Variants in SMUG1 observed in about 807,000 individuals in gnomAD.
SMUG1 encodes the protein single-strand-selective monofunctional uracil-DNA glycosylase 1, also known as single-strand selective monofunctional uracil DNA glycosylase.
In SMUG1, 13 loss-of-function variants were observed where a neutral mutation model predicts 23.9. That is an observed-to-expected ratio of 0.54 (90% confidence interval 0.35 to 0.86). The LOEUF (loss-of-function observed/expected upper bound fraction) is 0.86, where lower values mean the gene tolerates loss of function less well. SMUG1 is among the 40% of genes least tolerant of loss of function. The pLI is 0.01. For synonymous variants in SMUG1, 133 were observed against 139.8 expected (o/e 0.95, Z 0.34); for missense variants, 313 against 339.5 (o/e 0.92, Z 0.61).
chr12:54,159,994 C>T (rs1175811560), downstream of SMUG1, among the ~76,000 whole-genome samples: 1 of 152,216 alleles, frequency 6.6e-6, no homozygotes, highest in Non-Finnish European at 1.5e-5. Context: ...ACACAGGTTG[C>T]TGGGCCTGTC....
intron 2 of SMUG1, among the ~76,000 whole-genome samples, chr12:54,186,324 CTG>C (rs373019225): frequency 5.4e-5 from 8 of 148,418 alleles, no homozygotes; most frequent in African/African-American, 1.7e-4. Flanking sequence ...GCCTGGGAAT[CTG>C]TGTTTTTTGT....
At chr12:54,176,375 G>A (rs1232587149), downstream of SMUG1, among the ~76,000 whole-genome samples, 6 of 151,166 alleles carry the variant, frequency 4.0e-5, no homozygotes, top group Admixed American at 3.9e-4. Context: ...AGCCAGGTGT[G>A]GTGGTGCATG....
At chr12:54,171,918 C>T (rs947313506) in intron 3 of SMUG1, 10 of 344,176 alleles carry the variant, frequency 2.9e-5, no homozygotes, top group Admixed American at 9.0e-5. Flanking sequence ...TTCTTTCATA[C>T]GCTCTCACTA....
intron 2 of SMUG1, among the ~76,000 whole-genome samples, chr12:54,173,551 C>A (rs1184056183): frequency 6.6e-6 from 1 of 152,206 alleles, no homozygotes. Flanking sequence ...AAACGCCGCC[C>A]GCGCGGCCCG....
chr12:54,180,571 A>G lies in SMUG1; in HGVS notation c.*1525T>C, dbSNP rs1003288318. 4 of 152,134 alleles carry G rather than the reference A, an allele frequency of 2.6e-5. No individual in the cohort carries two copies. Among genetic ancestry groups the G allele is most frequent in the African/African-American group, 7.2e-5 (3 of 41,406 alleles). The allele number at this position is 152,134 out of a possible 1,614,324, so 9.4% of individuals were successfully genotyped here. A position where few individuals can be genotyped will look rare whatever the true frequency, so the allele number is the denominator to read the frequency against. On this transcript the variant is annotated 3_prime_UTR_variant, in exon 4 of 4. Coordinates refer to ENST00000682136, the MANE Select transcript of SMUG1 (RefSeq NM_001243787.2). ...CCCTTACCAAAGGGGCACCCAGTCA[A>G]CCATTCAGCAGACATAAAAAATGAG... is the stretch of plus-strand genomic sequence containing the variant.
chr12:54,177,666 A>AAACAAT (rs1376849582), downstream of SMUG1, among the ~76,000 whole-genome samples: 4 of 152,016 alleles, frequency 2.6e-5, no homozygotes, highest in Admixed American at 6.6e-5. Flanking sequence ...GAAAAAAAAA[A>AAACAAT]AACAATGACT....
intron 2 of SMUG1, chr12:54,172,699 A>ACTCCCG (rs1209122085): frequency 6.5e-6 from 1 of 153,924 alleles, no homozygotes. Context: ...CCCAAAAAGG[A>ACTCCCG]ACCACTCCCC....
At position 54,183,827 on chromosome 12, in the gene SMUG1, G is replaced by A. The variant is rs371876259; in HGVS notation, c.114C>T (p.Leu38=). 2.5e-6 allele frequency: 4 copies of A among 1,613,834 alleles called. No homozygotes were observed. Among genetic ancestry groups the A allele is most frequent in the South Asian group, 1.1e-5 (1 of 91,032 alleles). ...ACTGCAGCTGGCTCAGCTCAGCATT[G>A]AGCCGAAGCTCCTCCTCCAGGAAGC... ...AESFLEEELR[L]NAELSQLQFS... The change falls in exon 3 of 4, where the codon CTC becomes CTT. Residue 38 remains leucine, a synonymous_variant. Coordinates refer to ENST00000682136, the MANE Select transcript of SMUG1 (RefSeq NM_001243787.2).
downstream of SMUG1, among the ~76,000 whole-genome samples, chr12:54,179,806 G>T (rs1298282318): frequency 6.6e-6 from 1 of 152,128 alleles, no homozygotes; most frequent in Non-Finnish European, 1.5e-5. Context: ...CGGAACTCAG[G>T]AAAACTCTAT....
chr12:54,172,089 C>G (rs762508211), exon 3 of SMUG1: 1 of 455,530 alleles, frequency 2.2e-6, no homozygotes, highest in African/African-American at 2.0e-5. Context: ...AATCTGTTCT[C>G]AATACAGCAG....
At chr12:54,188,214 G>A (rs1942907888) in intron 1 of SMUG1, among the ~76,000 whole-genome samples, 1 of 150,818 alleles carries the variant, frequency 6.6e-6, no homozygotes, top group South Asian at 2.1e-4. Context: ...GCACTCCCCT[G>A]TCCTTTGGAG....
chr12:54,169,783 A>T (rs1940567635), intron 3 of SMUG1, among the ~76,000 whole-genome samples: 1 of 152,152 alleles, frequency 6.6e-6, no homozygotes, highest in Non-Finnish European at 1.5e-5. Context: ...ACTCAGTAAA[A>T]TCAGGTAATA....
At chr12:54,186,356 T>G (rs576080285) in intron 2 of SMUG1, among the ~76,000 whole-genome samples, 1,977 of 151,168 alleles carry the variant, frequency 0.013, 51 homozygotes, top group African/African-American at 0.044. Context: ...TTTTGTTTTT[T>G]TTTTGAGACA....
At chr12:54,173,255 G>T (rs1290615927) in intron 2 of SMUG1, 1 of 153,790 alleles carries the variant, frequency 6.5e-6, no homozygotes, top group East Asian at 1.9e-4. Flanking sequence ...CAGCGAGAGA[G>T]CAAACGGGAG....
chr12:54,181,794 C>T lies in SMUG1; in HGVS notation c.*302G>A, dbSNP rs756986882. 7 of 1,436,656 alleles carry T rather than the reference C, an allele frequency of 4.9e-6. No individual in the cohort carries two copies. Among genetic ancestry groups the T allele is most frequent in the South Asian group, 3.0e-5 (2 of 65,944 alleles). The allele number at this position is 1,436,656 out of a possible 1,614,324, so 89.0% of individuals were successfully genotyped here. A position where few individuals can be genotyped will look rare whatever the true frequency, so the allele number is the denominator to read the frequency against. On this transcript the variant is annotated 3_prime_UTR_variant, in exon 4 of 4. Transcript: ENST00000682136. Reference sequence around the variant, plus strand: ...CTGAATAAAGTCTCCCAAGGAAACACTGAGGTAGAGCAGTCTGCAAGTGCA... The same window carrying T: ...CTGAATAAAGTCTCCCAAGGAAACATTGAGGTAGAGCAGTCTGCAAGTGCA...
chr12:54,187,211 T>G (rs1942671221), intron 2 of SMUG1: 1 of 152,196 alleles, frequency 6.6e-6, no homozygotes, highest in Admixed American at 6.5e-5. Context: ...CCTCTCAACT[T>G]TCTGCCTGGG....
At position 54,173,479 on chromosome 12, in the gene SMUG1, G is replaced by C. The variant is rs115872502; in HGVS notation, c.399-1370C>G. Among the ~76,000 whole-genome samples the C allele has an allele frequency of 4.4e-3, 671 of 152,304 alleles. 8 individuals are homozygous for C. Among genetic ancestry groups the C allele is most frequent in the African/African-American group, 0.015 (642 of 41,562 alleles). ...CGCAGCAGAGCGGGCGCGGCGCCGGGAGCTGGCTCGTAAAAGCCGCGTCGA... is the reference window on the plus strand; with the variant it reads ...CGCAGCAGAGCGGGCGCGGCGCCGGCAGCTGGCTCGTAAAAGCCGCGTCGA... On this transcript the variant is annotated intron_variant and NMD_transcript_variant, in intron 2 of 4. Transcript: ENST00000509864.
rs2136590977 is a variant in SMUG1 at position 54,181,472 on chromosome 12, G to A, written c.*624C>T. On this transcript the variant is annotated 3_prime_UTR_variant, in exon 4 of 4. Transcript: ENST00000682136. ...TCCCTGTTTTACAGATGAGGAGCCT[G>A]AGGCATAGAGAGGTTTATTAATTTG... is the stretch of plus-strand genomic sequence containing the variant. The A allele has an allele frequency of 2.4e-6, 3 of 1,272,544 alleles. No individual in the cohort carries two copies. In the South Asian group the frequency reaches 3.8e-5, roughly 16 times the overall value. 78.8% of individuals were successfully genotyped at this position (1,272,544 alleles called of 1,614,324 possible). A position where few individuals can be genotyped will look rare whatever the true frequency, so the allele number is the denominator to read the frequency against.
downstream of SMUG1, among the ~76,000 whole-genome samples, chr12:54,176,434 C>G (rs1252443708): frequency 6.8e-6 from 1 of 147,846 alleles, no homozygotes; most frequent in Non-Finnish European, 1.5e-5. Context: ...ACACCTGAGC[C>G]CAGGAAGTCA....
Sources: allele counts gnomAD v4.1 joint callset (sites outside exome capture counted in the v4.1 genomes callset), GRCh38; gene constraint gnomAD v4.1.1; transcripts MANE v1.5; gene names NCBI Gene and HGNC (gene_info 2026-07-23, HGNC 2026-07-21).